Variants in CTNNA3 observed in about 807,000 individuals in gnomAD.
CTNNA3 encodes catenin alpha-3.
In CTNNA3, 76 loss-of-function variants were observed where a neutral mutation model predicts 95.7. The ratio of observed to expected loss-of-function variants is 0.79; its 90% CI spans 0.66 to 0.96. The LOEUF (loss-of-function observed/expected upper bound fraction) is 0.96, where lower values mean the gene tolerates loss of function less well. Ranked by LOEUF, CTNNA3 falls within the 40% of genes least tolerant of loss-of-function variation. The pLI is 0.00. For missense variants in CTNNA3, 1,191 were observed against 1,089.8 expected (o/e 1.09, Z -1.31); for synonymous variants, 431 against 374.4 (o/e 1.15, Z -1.74).
At chr10:67,582,993 TG>T (rs2133325537) in intron 3 of CTNNA3, among the ~76,000 whole-genome samples, 1 of 152,264 alleles carries the variant, frequency 6.6e-6, no homozygotes, top group South Asian at 2.1e-4. Flanking sequence ...AGCACACTGA[TG>T]GGTCTTGACT....
intron 12 of CTNNA3, among the ~76,000 whole-genome samples, chr10:66,340,077 G>T (rs1392497953): frequency 6.6e-6 from 1 of 151,656 alleles, no homozygotes. Context: ...AATAAAAAAG[G>T]ACAGGGTTAT....
At chr10:65,975,494 A>G (rs2078192844) in intron 16 of CTNNA3, among the ~76,000 whole-genome samples, 1 of 152,064 alleles carries the variant, frequency 6.6e-6, no homozygotes, top group Admixed American at 6.6e-5. Context: ...ATGCTATGGA[A>G]ACTAATTTAG....
intron 7 of CTNNA3, among the ~76,000 whole-genome samples, chr10:67,100,412 T>C (rs374127191): frequency 5.3e-5 from 8 of 151,772 alleles, no homozygotes; most frequent in African/African-American, 1.7e-4. Context: ...ATTTTTATTT[T>C]GCCATGTCCA....
At chr10:67,726,088 A>G (rs923582473) in intron 1 of CTNNA3, among the ~76,000 whole-genome samples, 32 of 121,118 alleles carry the variant, frequency 2.6e-4, no homozygotes, top group African/African-American at 1.0e-3. Context: ...ATTATATATT[A>G]TAATATATAA....
chr10:66,567,534 AT>A (rs1440420338), intron 10 of CTNNA3, among the ~76,000 whole-genome samples: 1 of 152,104 alleles, frequency 6.6e-6, no homozygotes, highest in Non-Finnish European at 1.5e-5. Context: ...CAGGAGGATC[AT>A]TTAAGCCCAG....
intron 12 of CTNNA3, among the ~76,000 whole-genome samples, chr10:66,352,278 T>C (rs1389810775): frequency 1.3e-5 from 2 of 152,090 alleles, no homozygotes; most frequent in Non-Finnish European, 2.9e-5. Flanking sequence ...TCTCATTTCA[T>C]AAATTGATTT....
At chr10:67,097,920 C>T (rs1858109359) in intron 7 of CTNNA3, 1 of 774,574 alleles carries the variant, frequency 1.3e-6, no homozygotes, top group African/African-American at 1.8e-5. Flanking sequence ...TTCAAATAAA[C>T]AAAAAATCCA....
chr10:66,788,486 T>C (rs1031067087), intron 7 of CTNNA3, among the ~76,000 whole-genome samples: 8 of 152,138 alleles, frequency 5.3e-5, no homozygotes, highest in African/African-American at 1.9e-4. Flanking sequence ...CATCAAATAA[T>C]GGGTGTCTAA....
intron 7 of CTNNA3, among the ~76,000 whole-genome samples, chr10:67,043,951 C>T (rs1263453517): frequency 7.6e-6 from 1 of 132,208 alleles, no homozygotes; most frequent in Non-Finnish European, 1.8e-5. Flanking sequence ...AAATTTCAAC[C>T]TCTATTTTAG....
rs143583247 is a variant in CTNNA3, at chr10:67,211,127, G to GGAAATAGAGAAGC, written c.843+8479_843+8480insGCTTCTCTATTTC. On this transcript the variant is annotated intron_variant, in intron 6 of 17. Transcript: ENST00000433211. ...ATTTTCTAGCTCCCATTAAGCACAT[G>GGAAATAGAGAAGC]ACAATGTGGAAATAGAGAACAAGTA... Among the ~76,000 whole-genome samples, 1,206 of 152,246 alleles carry GGAAATAGAGAAGC rather than the reference G, an allele frequency of 7.9e-3. 46 individuals are homozygous for GGAAATAGAGAAGC. The East Asian group carries it at 0.11, about 14-fold the overall frequency.
intron 13 of CTNNA3, among the ~76,000 whole-genome samples, chr10:66,138,099 G>A (rs369271071): frequency 3.3e-5 from 5 of 151,816 alleles, no homozygotes; most frequent in South Asian, 2.1e-4. Flanking sequence ...ATAAAAGCCC[G>A]CAGTCTTTGA....
At chr10:67,584,765 T>C (rs1233187794) in intron 3 of CTNNA3, among the ~76,000 whole-genome samples, 1 of 152,220 alleles carries the variant, frequency 6.6e-6, no homozygotes, top group East Asian at 1.9e-4. Context: ...GCCTCAGCAA[T>C]GGCAGATGTC....
At chr10:66,199,784 TA>T (rs2087224539) in intron 13 of CTNNA3, among the ~76,000 whole-genome samples, 1 of 11,860 alleles carries the variant, frequency 8.4e-5, no homozygotes, top group African/African-American at 2.8e-4. Flanking sequence ...TATATATATA[TA>T]TATATATATA....
At chr10:66,938,777 G>A (rs1847851947) in intron 7 of CTNNA3, among the ~76,000 whole-genome samples, 1 of 152,156 alleles carries the variant, frequency 6.6e-6, no homozygotes, top group Non-Finnish European at 1.5e-5. Context: ...CCAAAGCTAT[G>A]AACATTTGGA....
chr10:66,098,573 C>A (rs911354022), intron 14 of CTNNA3: 1 of 152,078 alleles, frequency 6.6e-6, no homozygotes, highest in African/African-American at 2.4e-5. Context: ...TTTTAGGAAG[C>A]TTTTAGGACT....
chr10:66,818,730 G>A (rs1236077851), intron 7 of CTNNA3, among the ~76,000 whole-genome samples: 1 of 144,338 alleles, frequency 6.9e-6, no homozygotes, highest in Non-Finnish European at 1.5e-5. Flanking sequence ...GTGTTTTGTG[G>A]GTTTTTTTCA....
intron 11 of CTNNA3, among the ~76,000 whole-genome samples, chr10:66,411,836 C>T (rs1341391216): frequency 6.6e-6 from 1 of 152,096 alleles, no homozygotes; most frequent in Non-Finnish European, 1.5e-5. Context: ...CAGAGTTCCT[C>T]CAGGAAACAC....
At chr10:66,229,192 G>C (rs1306587768) in intron 13 of CTNNA3, among the ~76,000 whole-genome samples, 2 of 152,160 alleles carry the variant, frequency 1.3e-5, no homozygotes, top group African/African-American at 2.4e-5. Context: ...TTTACTGGTT[G>C]TGTTGTAAAC....
At chr10:67,538,580 A>G (rs569309407) in intron 4 of CTNNA3, among the ~76,000 whole-genome samples, 1 of 111,204 alleles carries the variant, frequency 9.0e-6, no homozygotes, top group East Asian at 4.1e-4. Context: ...ACTCCATCTC[A>G]AAAAAAAAAA....
Sources: allele counts gnomAD v4.1 joint callset (sites outside exome capture counted in the v4.1 genomes callset), GRCh38; gene constraint gnomAD v4.1.1; transcripts MANE v1.5; gene names NCBI Gene and HGNC (gene_info 2026-07-23, HGNC 2026-07-21).